Variants in FALEC observed in about 807,000 individuals in gnomAD.
The protein encoded by FALEC is focally amplified lncRNA on chromosome 1.
chr1:150,526,499 A>T, the FALEC span, among the ~76,000 whole-genome samples: 1 of 151,080 alleles, frequency 6.6e-6, no homozygotes. Context: ...GCACACGGCG[A>T]GTATGTCGCT....
the FALEC span, among the ~76,000 whole-genome samples, chr1:150,535,135 T>G: frequency 6.6e-6 from 1 of 152,190 alleles, no homozygotes; most frequent in Non-Finnish European, 1.5e-5. Flanking sequence ...ATTGGGACTG[T>G]TGCATAGCTT....
the FALEC span, among the ~76,000 whole-genome samples, chr1:150,524,172 T>C: frequency 6.6e-6 from 1 of 152,056 alleles, no homozygotes; most frequent in Non-Finnish European, 1.5e-5. Context: ...TTTTTAGAGG[T>C]GGTATCTCAC....
the FALEC span, among the ~76,000 whole-genome samples, chr1:150,525,379 C>A: frequency 6.6e-6 from 1 of 152,060 alleles, no homozygotes; most frequent in Non-Finnish European, 1.5e-5. Context: ...GTGGGAGGAT[C>A]GCTTGAACCT....
downstream of FALEC, among the ~76,000 whole-genome samples, chr1:150,522,497 C>CAT: frequency 2.0e-5 from 3 of 151,748 alleles, no homozygotes; most frequent in South Asian, 6.3e-4. Context: ...GCGGTGCATG[C>CAT]CTGTAGTCCC....
chr1:150,526,683 G>A, the FALEC span, among the ~76,000 whole-genome samples: 27 of 151,584 alleles, frequency 1.8e-4, no homozygotes, highest in Non-Finnish European at 3.5e-4. Flanking sequence ...GCCCAGGTTG[G>A]AGTGCAGTGG....
intron 1 of FALEC, among the ~76,000 whole-genome samples, chr1:150,516,602 T>TAAC (rs1024547341): frequency 3.3e-5 from 5 of 152,362 alleles, no homozygotes; most frequent in East Asian, 3.9e-4. Flanking sequence ...GTGAACGTGT[T>TAAC]AACATTCACT....
the FALEC span, among the ~76,000 whole-genome samples, chr1:150,530,522 G>C: frequency 6.6e-6 from 1 of 152,130 alleles, no homozygotes; most frequent in African/African-American, 2.4e-5. Context: ...TCTGAGGCCG[G>C]TGCTCACTAA....
the FALEC span, among the ~76,000 whole-genome samples, chr1:150,524,274 C>G: frequency 6.6e-6 from 1 of 152,112 alleles, no homozygotes; most frequent in East Asian, 1.9e-4. Context: ...CTTAGCCAAC[C>G]AAAGCACTCG....
At chr1:150,527,614 G>T in the FALEC span, among the ~76,000 whole-genome samples, 2 of 152,242 alleles carry the variant, frequency 1.3e-5, no homozygotes, top group South Asian at 4.1e-4. Flanking sequence ...TGGGCATGGT[G>T]GCTGGTCTGG....
chr1:150,518,435 A>C (rs1670598159), downstream of FALEC, among the ~76,000 whole-genome samples: 1 of 148,394 alleles, frequency 6.7e-6, no homozygotes, highest in South Asian at 2.1e-4. Context: ...CCCAGGCTGG[A>C]GTGCAATGGC....
chr1:150,519,774 G>A (rs959868134), downstream of FALEC, among the ~76,000 whole-genome samples: 3 of 151,104 alleles, frequency 2.0e-5, no homozygotes, highest in East Asian at 5.9e-4. Flanking sequence ...GGAGAATCAG[G>A]AGAATCGCTT....
At chr1:150,517,597 A>G (rs587649375) in intron 1 of FALEC, among the ~76,000 whole-genome samples, 1 of 152,290 alleles carries the variant, frequency 6.6e-6, no homozygotes, top group South Asian at 2.1e-4. Context: ...GGGACCCCAG[A>G]GAGTTCTCTA....
At chr1:150,528,911 A>G in the FALEC span, among the ~76,000 whole-genome samples, 2 of 149,078 alleles carry the variant, frequency 1.3e-5, no homozygotes, top group Non-Finnish European at 3.0e-5. Context: ...TATTTATTGA[A>G]TGATGGTCTT....
At chr1:150,524,638 GA>G in the FALEC span, among the ~76,000 whole-genome samples, 1 of 152,036 alleles carries the variant, frequency 6.6e-6, no homozygotes, top group Non-Finnish European at 1.5e-5. Flanking sequence ...AATAAGCAAT[GA>G]AAAAATGCTC....
chr1:150,519,730 G>C (rs1016009065), downstream of FALEC, among the ~76,000 whole-genome samples: 5 of 152,084 alleles, frequency 3.3e-5, no homozygotes, highest in African/African-American at 1.2e-4. Flanking sequence ...GGTGGTGGGC[G>C]CCTGTAATCC....
intron 1 of FALEC, among the ~76,000 whole-genome samples, chr1:150,517,247 A>C (rs1670579317): frequency 6.6e-6 from 1 of 150,654 alleles, no homozygotes; most frequent in Non-Finnish European, 1.5e-5. Context: ...TAGTGAGCCA[A>C]GATTGTGCCA....
chr1:150,531,080 A>G, the FALEC span, among the ~76,000 whole-genome samples: 2 of 152,220 alleles, frequency 1.3e-5, no homozygotes, highest in Non-Finnish European at 2.9e-5. Context: ...GAAATACTCA[A>G]TGATTCCACT....
intron 1 of FALEC, among the ~76,000 whole-genome samples, chr1:150,516,213 A>G (rs1195149616): frequency 1.3e-5 from 2 of 151,794 alleles, no homozygotes; most frequent in African/African-American, 4.8e-5. Flanking sequence ...GCGCCACCGC[A>G]CTCCAGCCTG....
chr1:150,519,641 G>A (rs1670613756), downstream of FALEC, among the ~76,000 whole-genome samples: 1 of 152,040 alleles, frequency 6.6e-6, no homozygotes, highest in Non-Finnish European at 1.5e-5. Flanking sequence ...TGGATCATAA[G>A]GTCAGGAGTT....
Sources: gnomAD v4.1 joint callset for allele counts (sites outside exome capture counted in the v4.1 genomes callset) on GRCh38, gnomAD v4.1.1 for gene constraint, MANE v1.5 for transcripts, NCBI Gene and HGNC (gene_info 2026-07-23, HGNC 2026-07-21) for gene names.